NUMB: variants seen among roughly 807,000 people sequenced by gnomAD.
NUMB encodes the protein NUMB endocytic adaptor protein, also known as protein numb homolog.
A neutral mutation model predicts 59.7 loss-of-function variants in NUMB; 29 were observed. The ratio of observed to expected loss-of-function variants is 0.49; its 90% confidence interval spans 0.36 to 0.66. The LOEUF is 0.66. NUMB is among the 30% of genes least tolerant of loss of function. The pLI, the probability that NUMB is intolerant of heterozygous loss-of-function variation, is 0.00. For synonymous variants in NUMB, 288 were observed against 288.2 expected, an observed-to-expected ratio of 1.00 and a Z score of 0.01; for missense variants, 723 against 822.0, an observed-to-expected ratio of 0.88 and a Z score of 1.47.
rs1888449171 is a variant in NUMB, at chr14:73,279,394, A to G, written c.1127T>C (p.Leu376Pro). Residue 376 changes from leucine to proline, a missense_variant, in exon 12 of 13, where the codon CTT becomes CCT. Physicochemically the swap from Leu to Pro is moderately conservative, Grantham distance 98. Coordinates refer to ENST00000555238, the MANE Select transcript of NUMB (RefSeq NM_001005743.2). ...ANGTDSAFHVLAKPAHTALAP... is the reference protein window; with the variant it reads ...ANGTDSAFHVPAKPAHTALAP... ...TAGAGCAGTATGGGCTGGCTTAGCAAGCACATGGAAGGCTGAGTCAGTGCC... is the reference window on the plus strand; with the variant it reads ...TAGAGCAGTATGGGCTGGCTTAGCAGGCACATGGAAGGCTGAGTCAGTGCC... 1.3e-6 allele frequency: 2 copies of G among 1,599,330 alleles called. No individual in the cohort carries two copies. Among genetic ancestry groups the G allele is most frequent in the Non-Finnish European group, 1.7e-6 (2 of 1,173,108 alleles).
chr14:73,321,010 C>T (rs1383383086), intron 5 of NUMB, among the ~76,000 whole-genome samples: 1 of 151,040 alleles, frequency 6.6e-6, no homozygotes, highest in African/African-American at 2.4e-5. Flanking sequence ...GTATTTTATA[C>T]AATAAACATA....
chr14:73,357,908 C>T (rs77157802), intron 3 of NUMB, among the ~76,000 whole-genome samples: 5 of 149,896 alleles, frequency 3.3e-5, no homozygotes, highest in African/African-American at 9.8e-5. Flanking sequence ...AAAAAACCCA[C>T]CAAAAAAAAC....
At chr14:73,279,198 C>G (rs560193665) in intron 12 of NUMB, 83 bp downstream of exon 12, 20 of 1,474,932 alleles carry the variant, frequency 1.4e-5, no homozygotes, top group Non-Finnish European at 1.9e-5. Flanking sequence ...TCCCTAGTTC[C>G]CACTCAGCTA....
At chr14:73,305,936 C>T (rs1368279361) in intron 6 of NUMB, among the ~76,000 whole-genome samples, 1 of 152,096 alleles carries the variant, frequency 6.6e-6, no homozygotes, top group East Asian at 1.9e-4. Flanking sequence ...GGAAACCCAG[C>T]TTCATTGCTT....
chr14:73,420,979 C>CG (rs201642876), intron 1 of NUMB, among the ~76,000 whole-genome samples: 39 of 151,558 alleles, frequency 2.6e-4, no homozygotes, highest in Admixed American at 7.2e-4. Context: ...CAACAAAATG[C>CG]GGAAAAAAAA....
At chr14:73,323,031 AAC>A (rs1891487544) in intron 5 of NUMB, 97 bp downstream of exon 5, 11 of 857,124 alleles carry the variant, frequency 1.3e-5, no homozygotes, top group Middle Eastern at 3.3e-4. Flanking sequence ...TTTTAACAGA[AAC>A]ACAGTTTTTA....
intron 2 of NUMB, among the ~76,000 whole-genome samples, chr14:73,375,070 A>C (rs1894884774): frequency 6.6e-6 from 1 of 152,140 alleles, no homozygotes; most frequent in Non-Finnish European, 1.5e-5. Context: ...GCTTCAAGAG[A>C]TTATAAATGA....
At chr14:73,403,839 A>C (rs1050403700) in intron 2 of NUMB, among the ~76,000 whole-genome samples, 1 of 151,960 alleles carries the variant, frequency 6.6e-6, no homozygotes, top group African/African-American at 2.4e-5. Flanking sequence ...TCATGCCTGT[A>C]ATTCCAGGAC....
intron 1 of NUMB, among the ~76,000 whole-genome samples, chr14:73,445,474 G>C (rs915740746): frequency 2.1e-5 from 3 of 141,140 alleles, no homozygotes; most frequent in Non-Finnish European, 4.5e-5. Context: ...ATGTGACAAA[G>C]TCAAAAAGAA....
At chr14:73,350,066 T>TACAC (rs1161769200) in intron 4 of NUMB, among the ~76,000 whole-genome samples, 2 of 103,618 alleles carry the variant, frequency 1.9e-5, no homozygotes, top group South Asian at 2.6e-4. Context: ...CATATATACA[T>TACAC]ACATACATAC....
At chr14:73,410,860 T>A (rs748576218) in intron 1 of NUMB, among the ~76,000 whole-genome samples, 2 of 152,224 alleles carry the variant, frequency 1.3e-5, no homozygotes, top group Non-Finnish European at 2.9e-5. Context: ...TATGTAAAGG[T>A]AGTCTACTTG....
At chr14:73,346,246 G>A (rs1380396986) in intron 4 of NUMB, among the ~76,000 whole-genome samples, 1 of 152,056 alleles carries the variant, frequency 6.6e-6, no homozygotes, top group African/African-American at 2.4e-5. Flanking sequence ...TTGGGAGGCC[G>A]AGGTGAGCGG....
At chr14:73,389,937 A>C (rs1347962946) in intron 2 of NUMB, among the ~76,000 whole-genome samples, 1 of 152,220 alleles carries the variant, frequency 6.6e-6, no homozygotes, top group African/African-American at 2.4e-5. Context: ...TACATTTTAT[A>C]TACTTATTAC....
At chr14:73,432,484 C>T (rs1043417096) in intron 1 of NUMB, among the ~76,000 whole-genome samples, 11 of 151,950 alleles carry the variant, frequency 7.2e-5, no homozygotes, top group East Asian at 3.9e-4. Flanking sequence ...TCATTATTCA[C>T]TATAATTTTT....
chr14:73,432,892 AG>A (rs1358637948), intron 1 of NUMB, among the ~76,000 whole-genome samples: 2 of 152,268 alleles, frequency 1.3e-5, no homozygotes, highest in South Asian at 4.1e-4. Flanking sequence ...CTCAGTATGC[AG>A]GGAACTCAGA....
intron 4 of NUMB, among the ~76,000 whole-genome samples, chr14:73,351,280 T>C (rs1424795233): frequency 1.3e-5 from 2 of 152,080 alleles, no homozygotes; most frequent in African/African-American, 4.8e-5. Flanking sequence ...GAGACAATCC[T>C]GGCCAACATG....
intron 4 of NUMB, among the ~76,000 whole-genome samples, 189 bp downstream of exon 4, chr14:73,355,437 A>G (rs958240092): frequency 1.3e-5 from 2 of 152,176 alleles, no homozygotes; most frequent in Admixed American, 6.5e-5. Context: ...AAAACTCCCT[A>G]ATTAAAATCT....
chr14:73,415,877 G>GT (rs1245525720), intron 1 of NUMB, among the ~76,000 whole-genome samples: 1 of 152,022 alleles, frequency 6.6e-6, no homozygotes, highest in Admixed American at 6.6e-5. Context: ...AGCAGGCTAT[G>GT]TTTTATAATA....
At chr14:73,311,081 T>A (rs1890753480) in intron 6 of NUMB, among the ~76,000 whole-genome samples, 1 of 152,112 alleles carries the variant, frequency 6.6e-6, no homozygotes, top group Admixed American at 6.5e-5. Flanking sequence ...TGACATAGTC[T>A]CACTCTGTCA....
Sources: allele counts gnomAD v4.1 joint callset (sites outside exome capture counted in the v4.1 genomes callset), GRCh38; gene constraint gnomAD v4.1.1; transcripts MANE v1.5; gene names NCBI Gene and HGNC (gene_info 2026-07-23, HGNC 2026-07-21).